OOSP2: variants seen among roughly 807,000 people sequenced by gnomAD.
OOSP2 encodes oocyte secreted protein 2, also known as oocyte-secreted protein 2.
OOSP2 carries 7 observed loss-of-function variants against 13.4 expected under a neutral mutation model. That is an observed-to-expected ratio of 0.52 (90% confidence interval 0.30 to 0.98). The LOEUF (loss-of-function observed/expected upper bound fraction) is 0.98. OOSP2 is among the 50% of genes least tolerant of loss of function. The pLI is 0.07. For synonymous variants in OOSP2, 75 were observed against 67.2 expected, an observed-to-expected ratio of 1.12 and a Z score of -0.57; for missense variants, 184 against 188.5, an observed-to-expected ratio of 0.98 and a Z score of 0.14.
At position 60,040,463 on chromosome 11, in the gene OOSP2, G is replaced by T; in HGVS notation, c.4G>T (p.Ala2Ser). M[A>S]LEVLMLLAVL... is the part of the protein sequence containing the mutation. ...GTCTGCTCAGACGAAGGTCTCCATG[G>T]CGTTAGAAGTCTTGATGCTCCTCGC... The change falls in exon 1 of 4, where the codon GCG becomes TCG. Residue 2 changes from alanine (A) to serine (S), a missense_variant. Transcript: ENST00000278855. 1 of 1,590,212 alleles carries T rather than the reference G, an allele frequency of 6.3e-7. No individual in the cohort carries two copies. The highest frequency in any genetic ancestry group is 8.6e-7 in the Non-Finnish European group (1 of 1,158,214).
intron 3 of OOSP2, among the ~76,000 whole-genome samples, chr11:60,046,215 C>G (rs1855007022): frequency 7.0e-6 from 1 of 142,112 alleles, no homozygotes; most frequent in Non-Finnish European, 1.5e-5. Flanking sequence ...CTCTCTGTCT[C>G]TCTCTCTTTC....
At position 60,047,483 on chromosome 11, in the gene OOSP2, G is replaced by A. The variant is rs1855022592; in HGVS notation, c.*410G>A. On this transcript the variant is annotated 3_prime_UTR_variant, in exon 4 of 4. Transcript: ENST00000278855. ...CAAGAGGCAAAACTTTGAGCATAGT[G>A]TAAAATTTAACATATTAACTCTCAC... The A allele has an allele frequency of 6.5e-6, 1 of 153,044 alleles. No individual in the cohort carries two copies. The highest frequency in any genetic ancestry group is 1.5e-5 in the Non-Finnish European group (1 of 68,714). The allele number at this position is 153,044 out of a possible 1,614,324, so 9.5% of individuals were successfully genotyped here.
chr11:60,042,065 G>A (rs988402186), intron 1 of OOSP2, among the ~76,000 whole-genome samples: 2 of 152,042 alleles, frequency 1.3e-5, no homozygotes, highest in South Asian at 4.1e-4. Context: ...CTTGCAGTGA[G>A]CGGAGACAGC....
chr11:60,041,648 C>T (rs1165461964), intron 1 of OOSP2, among the ~76,000 whole-genome samples: 2 of 151,042 alleles, frequency 1.3e-5, no homozygotes, highest in South Asian at 2.1e-4. Context: ...AGGAGGAGTT[C>T]GAGACCAGCT....
chr11:60,044,068 C>T (rs1226959346), intron 2 of OOSP2, among the ~76,000 whole-genome samples: 1 of 152,206 alleles, frequency 6.6e-6, no homozygotes, highest in Non-Finnish European at 1.5e-5. Flanking sequence ...AATCTCTTGT[C>T]ATTCAGCTAG....
At chr11:60,042,629 C>T (rs1243437309) in intron 1 of OOSP2, among the ~76,000 whole-genome samples, 5 of 152,162 alleles carry the variant, frequency 3.3e-5, no homozygotes, top group Non-Finnish European at 5.9e-5. Flanking sequence ...ACAAAACGTG[C>T]ATGGAGCTAA....
rs1854966190 is a variant in OOSP2 at position 60,043,536 on chromosome 11, G to A, written c.132G>A (p.Leu44=). ...TCCCAGTTGCAGAAAGCAGAAATCT[G>A]TATATATTTGCGGATGAATTACATC... ...SVIPVAESRN[L]YIFADELHLG... is the part of the protein sequence containing the mutation. The change falls in exon 2 of 4, where the codon CTG becomes CTA. Residue 44 remains leucine, a synonymous_variant. Coordinates refer to ENST00000278855, the MANE Select transcript of OOSP2 (RefSeq NM_173801.5). 2.5e-6 allele frequency: 4 copies of A among 1,612,272 alleles called. No individual in the cohort carries two copies. The highest frequency in any genetic ancestry group is 1.7e-5 in the Admixed American group (1 of 59,974).
chr11:60,046,344 C>T (rs1428087168), intron 3 of OOSP2, among the ~76,000 whole-genome samples: 1 of 152,124 alleles, frequency 6.6e-6, no homozygotes, highest in African/African-American at 2.4e-5. Flanking sequence ...GATCTAATGC[C>T]TCAGAACTAC....
At chr11:60,042,910 A>T (rs949596469) in intron 1 of OOSP2, among the ~76,000 whole-genome samples, 10 of 147,416 alleles carry the variant, frequency 6.8e-5, no homozygotes, top group African/African-American at 2.5e-4. Context: ...TTTCTTTCTT[A>T]TTTTTTTTTT....
chr11:60,041,872 C>CAAAAAAAAAAAAAAAAAAAAAA (rs1390816690), intron 1 of OOSP2, among the ~76,000 whole-genome samples: 2 of 84,828 alleles, frequency 2.4e-5, no homozygotes, highest in African/African-American at 8.2e-5. Context: ...AAAAAAAAAG[C>CAAAAAAAAAAAAAAAAAAAAAA]AAAACTCCGT....
Position 60,041,850 on chromosome 11 carries a change from C to CAAAA in OOSP2, c.64+1344_64+1347dup, listed in dbSNP as rs571172974. On this transcript the variant is annotated intron_variant, in intron 1 of 3. Coordinates refer to ENST00000278855, the MANE Select transcript of OOSP2 (RefSeq NM_173801.5). ...TGGGTGACAGAGCGAGACTCTGTCTCAAAAAAAAAAAAAAAAAAAAGCAAA... is the reference window on the plus strand; with the variant it reads ...TGGGTGACAGAGCGAGACTCTGTCTCAAAAAAAAAAAAAAAAAAAAAAAAGCAAA... Among the ~76,000 whole-genome samples the CAAAA allele has an allele frequency of 5.5e-4, 20 of 36,434 alleles. 1 individual carries two copies. The highest frequency in any genetic ancestry group is 1.7e-3 in the South Asian group (1 of 580). The allele number at this position is 36,434 out of a possible 152,430, so 23.9% of individuals were successfully genotyped here. A position where few individuals can be genotyped will look rare whatever the true frequency, so the allele number is the denominator to read the frequency against.
rs1855015859 is a variant in OOSP2 at position 60,046,998 on chromosome 11, T to C, written c.402T>C (p.Pro134=). 1 of 1,574,162 alleles carries C rather than the reference T, an allele frequency of 6.4e-7. No homozygotes were observed. Among genetic ancestry groups the C allele is most frequent in the African/African-American group, 1.3e-5 (1 of 74,138 alleles). Reference sequence around the variant, plus strand: ...CTGAGAATGAAATAAAATTGGATCCTAGTCCTTTTATTGCTGACTTTCAGA... The same window carrying C: ...CTGAGAATGAAATAAAATTGGATCCCAGTCCTTTTATTGCTGACTTTCAGA... ...VSTENEIKLD[P]SPFIADFQTT... is the part of the protein sequence containing the mutation. The change falls in exon 4 of 4, where the codon CCT becomes CCC. Residue 134 remains proline (P), a synonymous_variant. Coordinates refer to ENST00000278855, the MANE Select transcript of OOSP2 (RefSeq NM_173801.5).
chr11:60,044,852 A>T, intron 3 of OOSP2, 78 bp downstream of exon 3: 1 of 640,760 alleles, frequency 1.6e-6, no homozygotes, highest in Non-Finnish European at 2.8e-6. Flanking sequence ...AGAAGCATAG[A>T]CTTTAGAGAA....
rs758285744 is a variant in OOSP2 at position 60,040,569 on chromosome 11, T to A, written c.64+46T>A. 3.9e-6 allele frequency: 4 copies of A among 1,034,716 alleles called. No homozygotes were observed. The South Asian group carries it at 5.1e-5, about 13-fold the overall frequency. The allele number at this position is 1,034,716 out of a possible 1,614,324, so 64.1% of individuals were successfully genotyped here. On this transcript the variant is annotated intron_variant, in intron 1 of 3. Transcript: ENST00000278855. ...AATGCTTCCTCGAAGGAGTTAATCA[T>A]AATGATCGCTTTCCATGCAGGTGTT...
rs1466271729 is a variant in OOSP2 at position 60,046,076 on chromosome 11, C to CTT, written c.348-867_348-866insTT. Among the ~76,000 whole-genome samples, 9 of 140,990 alleles carry CTT rather than the reference C, an allele frequency of 6.4e-5. No individual in the cohort carries two copies. In the East Asian group the frequency reaches 1.2e-3, roughly 19 times the overall value. 92.5% of individuals were successfully genotyped at this position (140,990 alleles called of 152,430 possible). A position where few individuals can be genotyped will look rare whatever the true frequency, so the allele number is the denominator to read the frequency against. On this transcript the variant is annotated intron_variant, in intron 3 of 3. Transcript: ENST00000278855. ...TCTGTCTTTGTCTGTCTCTCTCTGTCTGTCTCTCTCTCTCTGTCTCTGTCC... is the reference window on the plus strand; with the variant it reads ...TCTGTCTTTGTCTGTCTCTCTCTGTCTTTGTCTCTCTCTCTCTGTCTCTGTCC...
intron 1 of OOSP2, among the ~76,000 whole-genome samples, chr11:60,041,850 C>CCAAAAAAAAAA (rs1854932854): frequency 2.7e-5 from 1 of 36,418 alleles, no homozygotes; most frequent in African/African-American, 1.2e-4. Context: ...GACTCTGTCT[C>CCAAAAAAAAAA]AAAAAAAAAA....
rs1855026447 is a variant in OOSP2 at position 60,047,838 on chromosome 11, T to C, written c.*765T>C. The C allele has an allele frequency of 6.6e-6, 1 of 152,166 alleles. No homozygotes were observed. Among genetic ancestry groups the C allele is most frequent in the Admixed American group, 6.5e-5 (1 of 15,276 alleles). 9.4% of individuals were successfully genotyped at this position (152,166 alleles called of 1,614,324 possible). Reference sequence around the variant, plus strand: ...TATACTATCTTCCTTTCTTTAAACATGGAGTCTAAATATGTAATATATCAA... The same window carrying C: ...TATACTATCTTCCTTTCTTTAAACACGGAGTCTAAATATGTAATATATCAA... On this transcript the variant is annotated 3_prime_UTR_variant, in exon 4 of 4. Coordinates refer to ENST00000278855, the MANE Select transcript of OOSP2 (RefSeq NM_173801.5).
intron 1 of OOSP2, among the ~76,000 whole-genome samples, chr11:60,041,564 C>G (rs1389818350): frequency 6.6e-6 from 1 of 151,988 alleles, no homozygotes; most frequent in Non-Finnish European, 1.5e-5. Context: ...AACTGAGTTT[C>G]TGGCTGGGCA....
At chr11:60,045,183 A>C (rs1041916895) in intron 3 of OOSP2, among the ~76,000 whole-genome samples, 1 of 152,128 alleles carries the variant, frequency 6.6e-6, no homozygotes, top group Non-Finnish European at 1.5e-5. Context: ...TATAAGAGTA[A>C]GTGGCTAAAA....
Sources: gnomAD v4.1 joint callset for allele counts (sites outside exome capture counted in the v4.1 genomes callset) on GRCh38, gnomAD v4.1.1 for gene constraint, MANE v1.5 for transcripts, NCBI Gene and HGNC (gene_info 2026-07-23, HGNC 2026-07-21) for gene names.